The following C9orf50 variants were observed in gnomAD, a reference collection of about 807,000 sequenced individuals.
The protein encoded by C9orf50 is chromosome 9 open reading frame 50.
In C9orf50, 33 loss-of-function variants were observed where a neutral mutation model predicts 42.5. The ratio of observed to expected loss-of-function variants is 0.78; its 90% confidence interval spans 0.59 to 1.04. The LOEUF is 1.04. C9orf50 is among the 50% of genes least tolerant of loss of function. The probability of loss-of-function intolerance (pLI) is 0.00; values close to 1 mark genes in which losing one functional copy is unlikely to be tolerated. For synonymous variants in C9orf50, 257 were observed against 273.4 expected (o/e 0.94, Z 0.59); for missense variants, 547 against 594.3 (o/e 0.92, Z 0.83).
At chr9:129,618,439 T>C (rs1052276846) in intron 3 of C9orf50, among the ~76,000 whole-genome samples, 1 of 152,026 alleles carries the variant, frequency 6.6e-6, no homozygotes, top group Admixed American at 6.6e-5. Context: ...GATGGGTGGA[T>C]GGACTGATGG....
Position 129,613,287 on chromosome 9 carries a change from CTG to C in C9orf50, c.1044-38_1044-37del, listed in dbSNP as rs779936186. 8 of 1,576,384 alleles carry C rather than the reference CTG, an allele frequency of 5.1e-6. No homozygotes were observed. In the African/African-American group the frequency reaches 5.4e-5, roughly 11 times the overall value. On this transcript the variant is annotated intron_variant, in intron 5 of 6. Transcript: ENST00000372478. The surrounding 1 kb of genome is among the most constrained non-coding windows in gnomAD (Gnocchi z 6.2). ...CAGGACCCCATGAGCTTCCTGGACT[CTG>C]AGTCCCCGGCCCACCCATGGCTGGC...
In C9orf50 at chr9:129,613,382, G is replaced by A. The variant is rs1220362589; in HGVS notation, c.1043+53C>T. 4.4e-6 allele frequency: 7 copies of A among 1,598,458 alleles called. No individual in the cohort carries two copies. The South Asian group carries it at 5.5e-5, about 13-fold the overall frequency. ...GTGGGGAGGTCTGTAGGCAAGGGGG[G>A]TGGAGGGCCCTGGCAATGTCCACGA... On this transcript the variant is annotated intron_variant, in intron 5 of 6. Coordinates refer to ENST00000372478, the Ensembl canonical transcript of C9orf50. This position sits in a 1 kb window ranked among gnomAD's most constrained non-coding sequence, Gnocchi z 6.2.
In C9orf50 at chr9:129,620,064, C is replaced by T. The variant is rs945754052; in HGVS notation, c.508+3G>A. Reference sequence around the variant, plus strand: ...CCGCCCCCCGGGCCCCGCGGGGCCTCACTCAGTGGCTCCGGCTCCTCGGCG... The same window carrying T: ...CCGCCCCCCGGGCCCCGCGGGGCCTTACTCAGTGGCTCCGGCTCCTCGGCG... On this transcript the variant is annotated splice_donor_region_variant and intron_variant, in intron 1 of 6. Transcript: ENST00000372478. The surrounding 1 kb of genome is among the most constrained non-coding windows in gnomAD (Gnocchi z 5.8). 8.9e-6 allele frequency: 13 copies of T among 1,453,558 alleles called. No homozygotes were observed. The highest frequency in any genetic ancestry group is 1.2e-5 in the Non-Finnish European group (13 of 1,101,144). 90.0% of individuals were successfully genotyped at this position (1,453,558 alleles called of 1,614,324 possible).
chr9:129,613,015 C>T lies in C9orf50; in HGVS notation c.1188+92G>A, dbSNP rs1830163190. 6.5e-7 allele frequency: 1 copy of T among 1,539,398 alleles called. No homozygotes were observed. Among genetic ancestry groups the T allele is most frequent in the African/African-American group, 1.4e-5 (1 of 73,020 alleles). ...TCTCAGGGAGGGTCCACTCCCAGCCCCAGCCACTCCACCAAACAGGGCTGC... is the reference window on the plus strand; with the variant it reads ...TCTCAGGGAGGGTCCACTCCCAGCCTCAGCCACTCCACCAAACAGGGCTGC... On this transcript the variant is annotated intron_variant, in intron 6 of 6. Transcript: ENST00000372478. The surrounding 1 kb of genome is among the most constrained non-coding windows in gnomAD (Gnocchi z 6.2).
exon 7 of C9orf50, chr9:129,612,277 T>C: frequency 1.5e-6 from 2 of 1,340,258 alleles, no homozygotes; most frequent in Non-Finnish European, 2.1e-6. Flanking sequence ...GTGCCTTTAT[T>C]TGTGGGGCAA....
chr9:129,619,398 AG>A, intron 3 of C9orf50, 121 bp downstream of exon 3: 1 of 737,094 alleles, frequency 1.4e-6, no homozygotes, highest in Non-Finnish European at 2.3e-6. Flanking sequence ...GCCATATGTA[AG>A]GATGGATGAA....
In C9orf50 at chr9:129,613,658, C is replaced by G. The variant is rs1199788764; in HGVS notation, c.881-61G>C. The G allele has an allele frequency of 1.3e-6, 2 of 1,597,964 alleles. No homozygotes were observed. The highest frequency in any genetic ancestry group is 1.7e-6 in the Non-Finnish European group (2 of 1,170,014). On this transcript the variant is annotated intron_variant, in intron 4 of 6. Transcript: ENST00000372478. This position sits in a 1 kb window ranked among gnomAD's most constrained non-coding sequence, Gnocchi z 6.2. ...GGAGGAGGGCACTGGTGCCCCCACC[C>G]TCTTTTCCTCCCTCTGGCAGGCAGG...
chr9:129,617,065 C>CA (rs35142253), intron 3 of C9orf50, among the ~76,000 whole-genome samples: 9 of 138,764 alleles, frequency 6.5e-5, no homozygotes, highest in South Asian at 4.5e-4. Context: ...GACTTCGTCT[C>CA]AAAAAAAAAG....
chr9:129,612,282 G>T, exon 7 of C9orf50: 1 of 1,370,264 alleles, frequency 7.3e-7, no homozygotes, highest in East Asian at 2.4e-5. Flanking sequence ...TTTATTTGTG[G>T]GGCAAGGAAG....
chr9:129,618,868 G>GTTTTTTTTTTT (rs34259203), intron 3 of C9orf50, among the ~76,000 whole-genome samples: 2 of 128,280 alleles, frequency 1.6e-5, no homozygotes, highest in Admixed American at 7.9e-5. Flanking sequence ...AATTTTTTGT[G>GTTTTTTTTTTT]TTTTTTTTTT....
Position 129,613,351 on chromosome 9 carries a change from T to C in C9orf50, c.1043+84A>G, listed in dbSNP as rs543765129. ...GGACCCACACTGGCAACCCGCCTGC[T>C]GCTGGGTGGGGAGGTCTGTAGGCAA... On this transcript the variant is annotated intron_variant, in intron 5 of 6. Transcript: ENST00000372478. The surrounding 1 kb of genome is among the most constrained non-coding windows in gnomAD (Gnocchi z 6.2). 2 of 1,573,524 alleles carry C rather than the reference T, an allele frequency of 1.3e-6. No homozygotes were observed. The highest frequency in any genetic ancestry group is 1.8e-5 in the Admixed American group (1 of 55,792).
rs2118890841 is a variant in C9orf50, at chr9:129,620,120, C to T, written c.455G>A (p.Arg152His). 1 of 1,453,410 alleles carries T rather than the reference C, an allele frequency of 6.9e-7. No homozygotes were observed. Among genetic ancestry groups the T allele is most frequent in the African/African-American group, 1.4e-5 (1 of 69,778 alleles). The allele number at this position is 1,453,410 out of a possible 1,614,324, so 90.0% of individuals were successfully genotyped here. A position where few individuals can be genotyped will look rare whatever the true frequency, so the allele number is the denominator to read the frequency against. The change falls in exon 1 of 7, where the codon CGT becomes CAT. Residue 152 changes from arginine (R) to histidine (H), a missense_variant. Physicochemically the swap from Arg to His is conservative, Grantham distance 29. This residue lies in a region of C9orf50 where 108 missense variants were observed against 172.1 expected (regional missense o/e 0.63). Transcript: ENST00000372478. The surrounding 1 kb of genome is among the most constrained non-coding windows in gnomAD (Gnocchi z 5.8). ...CTCCTGGAGCTGGTGCAGGAACTCA[C>T]GGAACCTGCTGGGGAGGAGCTCTCC...
At chr9:129,620,908 A>G (rs1362336281), upstream of C9orf50, 11 of 258,576 alleles carry the variant, frequency 4.3e-5, no homozygotes, top group East Asian at 7.0e-4. This position sits in a 1 kb window ranked among gnomAD's most constrained non-coding sequence, Gnocchi z 5.8. Flanking sequence ...ACTAGCTGCC[A>G]TTCTTAGTAT....
chr9:129,617,544 G>A (rs1412497073), intron 3 of C9orf50, among the ~76,000 whole-genome samples: 3 of 152,236 alleles, frequency 2.0e-5, no homozygotes, highest in Admixed American at 2.0e-4. Context: ...GTCTGTAACT[G>A]TGTTTGTCTC....
At chr9:129,617,088 A>G (rs1830431185) in intron 3 of C9orf50, among the ~76,000 whole-genome samples, 1 of 152,066 alleles carries the variant, frequency 6.6e-6, no homozygotes, top group Non-Finnish European at 1.5e-5. Context: ...AAAAAAAATC[A>G]GCCTCAAGGG....
chr9:129,613,510 C>T lies in C9orf50; in HGVS notation c.968G>A (p.Ser323Asn), dbSNP rs1165667156. 4.3e-6 allele frequency: 7 copies of T among 1,614,072 alleles called. No homozygotes were observed. The highest frequency in any genetic ancestry group is 4.0e-5 in the African/African-American group (3 of 74,938). ...CCCAGGGTACAGGGCTTTGGGCAAA[C>T]TCTCCAGCCGTTTTCCGACACTCCC... The change falls in exon 5 of 7, where the codon AGT becomes AAT. Residue 323 changes from serine to asparagine, a missense_variant. Physicochemically the swap from Ser to Asn is conservative, Grantham distance 46. This residue lies in a region of C9orf50 where 334 missense variants were observed against 323.7 expected (regional missense o/e 1.03). Coordinates refer to ENST00000372478, the Ensembl canonical transcript of C9orf50. This position sits in a 1 kb window ranked among gnomAD's most constrained non-coding sequence, Gnocchi z 6.2.
intron 3 of C9orf50, among the ~76,000 whole-genome samples, chr9:129,617,624 G>A (rs999326910): frequency 2.0e-5 from 3 of 152,176 alleles, no homozygotes; most frequent in African/African-American, 7.2e-5. Flanking sequence ...GAAGTCATGT[G>A]TATATTTGGC....
intron 3 of C9orf50, among the ~76,000 whole-genome samples, chr9:129,617,509 C>G (rs1387991169): frequency 1.3e-5 from 2 of 152,218 alleles, no homozygotes; most frequent in Non-Finnish European, 2.9e-5. Context: ...GTAAGGTGCT[C>G]AAGTATTTGC....
chr9:129,621,459 T>G (rs556189412), upstream of C9orf50, among the ~76,000 whole-genome samples: 40 of 152,310 alleles, frequency 2.6e-4, no homozygotes, highest in Non-Finnish European at 1.5e-5. Flanking sequence ...TGGGCTCAAG[T>G]GATCCTCCTG....
Sources: allele counts gnomAD v4.1 joint callset (sites outside exome capture counted in the v4.1 genomes callset), GRCh38; gene constraint gnomAD v4.1.1; regional missense constraint gnomAD v4.1.1; non-coding constraint Gnocchi (gnomAD v3.1); transcripts MANE v1.5; gene names NCBI Gene and HGNC (gene_info 2026-07-23, HGNC 2026-07-21).